The following FAM135B variants were observed in gnomAD, a reference collection of about 807,000 sequenced individuals.
FAM135B encodes family with sequence similarity 135 member B.
Under a neutral mutation model 127.7 loss-of-function variants are expected in FAM135B, and 43 were observed. The ratio of observed to expected loss-of-function variants is 0.34; its 90% confidence interval spans 0.26 to 0.43. The LOEUF is 0.43. Among genes scored for constraint, FAM135B ranks in the 20% least tolerant of loss-of-function variants. The probability of loss-of-function intolerance (pLI) is 1.00; values close to 1 mark genes in which losing one functional copy is unlikely to be tolerated. For missense variants in FAM135B, 1,558 were observed against 1,725.6 expected (o/e 0.90, Z 1.72); for synonymous variants, 670 against 665.1 (o/e 1.01, Z -0.11).
At chr8:138,387,264 T>C (rs1476611946) in intron 1 of FAM135B, among the ~76,000 whole-genome samples, 1 of 152,122 alleles carries the variant, frequency 6.6e-6, no homozygotes, top group African/African-American at 2.4e-5. Context: ...GTCCTGGCTC[T>C]AAAGGGAAAC....
chr8:138,310,369 A>T (rs1826587540), intron 3 of FAM135B, among the ~76,000 whole-genome samples: 1 of 152,126 alleles, frequency 6.6e-6, no homozygotes, highest in African/African-American at 2.4e-5. Flanking sequence ...CCTTCTCAAG[A>T]TCAGGATCTG....
intron 2 of FAM135B, among the ~76,000 whole-genome samples, chr8:138,357,963 A>G (rs1830193095): frequency 6.6e-6 from 1 of 152,184 alleles, no homozygotes; most frequent in Non-Finnish European, 1.5e-5. Context: ...ATGAAGAAAT[A>G]CCCAAGACTG....
intron 2 of FAM135B, among the ~76,000 whole-genome samples, chr8:138,336,929 C>T (rs1252437211): frequency 6.6e-6 from 1 of 152,156 alleles, no homozygotes; most frequent in Non-Finnish European, 1.5e-5. Context: ...GGGCTTCATC[C>T]CTGGGATGCA....
intron 2 of FAM135B, among the ~76,000 whole-genome samples, chr8:138,332,765 G>A (rs925883788): frequency 6.6e-6 from 1 of 152,082 alleles, no homozygotes; most frequent in East Asian, 1.9e-4. Context: ...GAGTCCTAAC[G>A]CACCAGAGAA....
chr8:138,425,821 A>C (rs1834805999), intron 1 of FAM135B, among the ~76,000 whole-genome samples: 1 of 151,760 alleles, frequency 6.6e-6, no homozygotes, highest in Admixed American at 6.6e-5. Flanking sequence ...CTCGGTTTAC[A>C]CCAGCAAAAA....
chr8:138,258,838 A>ACACCT (rs1822322353), intron 4 of FAM135B, among the ~76,000 whole-genome samples: 1 of 83,900 alleles, frequency 1.2e-5, no homozygotes, highest in Non-Finnish European at 2.4e-5. Context: ...CACACACACC[A>ACACCT]TACACACAAT....
intron 5 of FAM135B, among the ~76,000 whole-genome samples, chr8:138,253,129 C>A (rs930191944): frequency 5.3e-5 from 8 of 152,060 alleles, no homozygotes; most frequent in African/African-American, 1.9e-4. Flanking sequence ...AACTGCCATC[C>A]AGACTTGGGA....
At chr8:138,343,377 T>C (rs1018747217) in intron 2 of FAM135B, among the ~76,000 whole-genome samples, 5 of 152,154 alleles carry the variant, frequency 3.3e-5, no homozygotes, top group Admixed American at 3.3e-4. Flanking sequence ...ATCTCAGCTT[T>C]TCAGGCACAA....
At chr8:138,374,099 T>C (rs1831315423) in intron 1 of FAM135B, among the ~76,000 whole-genome samples, 1 of 152,212 alleles carries the variant, frequency 6.6e-6, no homozygotes, top group Non-Finnish European at 1.5e-5. Flanking sequence ...TTACTGGTTT[T>C]GCGTCTTGCA....
chr8:138,290,271 GA>G (rs1825006262), intron 3 of FAM135B, among the ~76,000 whole-genome samples: 1 of 152,190 alleles, frequency 6.6e-6, no homozygotes, highest in African/African-American at 2.4e-5. Flanking sequence ...TGATTCTGAA[GA>G]GGGGGATTCA....
At chr8:138,426,014 CA>C (rs1834848120) in intron 1 of FAM135B, among the ~76,000 whole-genome samples, 1 of 55,184 alleles carries the variant, frequency 1.8e-5, no homozygotes, top group Non-Finnish European at 5.6e-5. Flanking sequence ...TATATATATA[CA>C]CACACATACA....
At chr8:138,244,030 G>T (rs550927109) in intron 6 of FAM135B, among the ~76,000 whole-genome samples, 3 of 152,070 alleles carry the variant, frequency 2.0e-5, no homozygotes, top group African/African-American at 7.2e-5. Flanking sequence ...TTGTGGAAGG[G>T]CTTAATCCAA....
chr8:138,301,169 C>T (rs1042394067), intron 3 of FAM135B, among the ~76,000 whole-genome samples: 4 of 152,084 alleles, frequency 2.6e-5, no homozygotes, highest in Admixed American at 2.6e-4. Flanking sequence ...AGGAACTCTG[C>T]ACTATGCGAT....
At chr8:138,164,461 T>A (rs1271741071) in intron 12 of FAM135B, among the ~76,000 whole-genome samples, 2 of 152,140 alleles carry the variant, frequency 1.3e-5, no homozygotes, top group African/African-American at 4.8e-5. Flanking sequence ...AAGGAAAATA[T>A]CTTGAGGCCC....
chr8:138,181,642 G>C (rs1486117822), intron 9 of FAM135B, among the ~76,000 whole-genome samples: 2 of 151,966 alleles, frequency 1.3e-5, no homozygotes, highest in African/African-American at 4.8e-5. Flanking sequence ...CTATGGACTT[G>C]TCTGTCCTCT....
At chr8:138,315,609 A>G (rs1177215563) in intron 2 of FAM135B, among the ~76,000 whole-genome samples, 2 of 151,856 alleles carry the variant, frequency 1.3e-5, no homozygotes, top group Non-Finnish European at 2.9e-5. Context: ...ACTGTGGAAT[A>G]CATATCAATG....
intron 1 of FAM135B, among the ~76,000 whole-genome samples, chr8:138,433,278 T>C (rs941154557): frequency 1.3e-5 from 2 of 151,922 alleles, no homozygotes; most frequent in African/African-American, 4.8e-5. Flanking sequence ...TCCCAGCACT[T>C]TGGGAGGCCG....
intron 2 of FAM135B, among the ~76,000 whole-genome samples, chr8:138,314,879 CAAAAAAA>C (rs35189245): frequency 1.3e-4 from 11 of 85,486 alleles, no homozygotes; most frequent in African/African-American, 2.2e-4. Flanking sequence ...GACCTTACCT[CAAAAAAA>C]AAAAAAAAAA....
At chr8:138,433,936 G>C (rs558752046) in intron 1 of FAM135B, among the ~76,000 whole-genome samples, 1 of 152,282 alleles carries the variant, frequency 6.6e-6, no homozygotes, top group South Asian at 2.1e-4. Flanking sequence ...GAAGAGAAGG[G>C]AGCAGCTGCA....
Sources: gnomAD v4.1 joint callset for allele counts (sites outside exome capture counted in the v4.1 genomes callset) on GRCh38, gnomAD v4.1.1 for gene constraint, MANE v1.5 for transcripts, NCBI Gene and HGNC (gene_info 2026-07-23, HGNC 2026-07-21) for gene names.